ABCF1: variants seen among roughly 807,000 people sequenced by gnomAD.
The protein encoded by ABCF1 is ATP binding cassette subfamily F member 1.
In ABCF1, 73 loss-of-function variants were observed where a neutral mutation model predicts 126.3. The observed-to-expected ratio is 0.58, with a 90% CI of 0.48 to 0.70. The LOEUF (loss-of-function observed/expected upper bound fraction) is 0.70, where lower values mean the gene tolerates loss of function less well. ABCF1 is among the 30% of genes least tolerant of loss of function. ABCF1 has a pLI of 0.00. For synonymous variants in ABCF1, 345 were observed against 396.4 expected, an observed-to-expected ratio of 0.87 and a Z score of 1.54; for missense variants, 786 against 1,057.5, an observed-to-expected ratio of 0.74 and a Z score of 3.56.
intron 20 of ABCF1, among the ~76,000 whole-genome samples, chr6:30,587,416 G>A (rs1488062467): frequency 6.6e-6 from 1 of 152,062 alleles, no homozygotes; most frequent in Non-Finnish European, 1.5e-5. Flanking sequence ...AAGCCGAGGT[G>A]GGAGATCACC....
intron 1 of ABCF1, among the ~76,000 whole-genome samples, chr6:30,571,938 T>C (rs543232884): frequency 6.6e-6 from 1 of 152,126 alleles, no homozygotes; most frequent in Non-Finnish European, 1.5e-5. Context: ...TGCGCGCGCA[T>C]ACACACACCT....
At chr6:30,587,523 A>G (rs1582598957) in intron 20 of ABCF1, among the ~76,000 whole-genome samples, 1 of 151,422 alleles carries the variant, frequency 6.6e-6, no homozygotes, top group African/African-American at 2.4e-5. Context: ...AATCCCAGCT[A>G]TTTTGGGAGG....
chr6:30,579,871 C>T (rs1013021218), intron 6 of ABCF1, 60 bp from the exon 7 acceptor site: 71 of 1,549,798 alleles, frequency 4.6e-5, no homozygotes, highest in Non-Finnish European at 5.7e-5. Flanking sequence ...GCTTATTACA[C>T]AGCAAAGTAG....
At chr6:30,575,797 C>T (rs371163457) in intron 1 of ABCF1, among the ~76,000 whole-genome samples, 1 of 152,138 alleles carries the variant, frequency 6.6e-6, no homozygotes, top group East Asian at 1.9e-4. Context: ...TGGCCAGGCA[C>T]AGTGGCTCAG....
chr6:30,579,455 ATTTTTTT>A (rs9281009), intron 6 of ABCF1, among the ~76,000 whole-genome samples: 1 of 112,144 alleles, frequency 8.9e-6, no homozygotes, highest in Admixed American at 9.9e-5. Flanking sequence ...AGTTGGAACT[ATTTTTTT>A]TTTTTTTTTT....
rs974169211 is a variant in ABCF1, at chr6:30,579,924, C to T, written c.490-7C>T. ...ATGTGTGTAATGTGTATGTGTGTCTCCTCCAGGCCGTATCTGAGGAACAGC... is the reference window on the plus strand; with the variant it reads ...ATGTGTGTAATGTGTATGTGTGTCTTCTCCAGGCCGTATCTGAGGAACAGC... On this transcript the variant is annotated splice_polypyrimidine_tract_variant and splice_region_variant and intron_variant, in intron 6 of 24. Transcript: ENST00000326195. The T allele has an allele frequency of 6.2e-7, 1 of 1,612,572 alleles. No homozygotes were observed. Among genetic ancestry groups the T allele is most frequent in the African/African-American group, 1.3e-5 (1 of 74,878 alleles).
rs746227880 is a variant in ABCF1 at position 30,583,700 on chromosome 6, A to G, written c.1008A>G (p.Gly336=). 8 of 1,613,872 alleles carry G rather than the reference A, an allele frequency of 5.0e-6. No homozygotes were observed. The African/African-American group carries it at 1.1e-4, about 22-fold the overall frequency. ...IVAGRRYGLV[G]PNGKGKTTLL... ...CCGGCCGCCGCTACGGGCTGGTAGG[A>G]CCCAATGGGTGAGAAGAGGAGGGAG... The change falls in exon 11 of 25, where the codon GGA becomes GGG. Residue 336 remains glycine, a synonymous_variant. Transcript: ENST00000326195. This position sits in a 1 kb window ranked among gnomAD's most constrained non-coding sequence, Gnocchi z 4.1.
chr6:30,577,250 T>G (rs1801549929), intron 1 of ABCF1, among the ~76,000 whole-genome samples, 159 bp from the exon 2 acceptor site: 2 of 152,222 alleles, frequency 1.3e-5, no homozygotes, highest in African/African-American at 4.8e-5. Flanking sequence ...GGAATGATTA[T>G]TTCTGCAGGA....
intron 20 of ABCF1, among the ~76,000 whole-genome samples, chr6:30,588,122 C>CG (rs1179826514): frequency 4.6e-5 from 7 of 151,904 alleles, no homozygotes; most frequent in Non-Finnish European, 1.0e-4. Context: ...AGGCTGGTCT[C>CG]GAACTCCTGA....
chr6:30,582,103 C>G (rs1446848602), intron 8 of ABCF1, among the ~76,000 whole-genome samples: 3 of 151,476 alleles, frequency 2.0e-5, no homozygotes, highest in African/African-American at 7.3e-5. Context: ...GTCACCCAGG[C>G]TGGAGTGCAG....
chr6:30,584,184 C>A lies in ABCF1; in HGVS notation c.1103-8C>A. The A allele has an allele frequency of 6.2e-7, 1 of 1,607,800 alleles. No individual in the cohort carries two copies. Among genetic ancestry groups the A allele is most frequent in the Non-Finnish European group, 8.5e-7 (1 of 1,177,382 alleles). On this transcript the variant is annotated splice_region_variant and splice_polypyrimidine_tract_variant and intron_variant, in intron 12 of 24. Transcript: ENST00000326195. This position sits in a 1 kb window ranked among gnomAD's most constrained non-coding sequence, Gnocchi z 4.6. ...AGGCTGCCTGACTGTTCTCCCTCTG[C>A]CTCCCAGAGGTGGTAGCAGATGAGA... is the stretch of plus-strand genomic sequence containing the variant.
rs1264444 is a variant in ABCF1, at chr6:30,579,688, C to T, written c.490-243C>T. Among the ~76,000 whole-genome samples, 1,132 of 152,036 alleles carry T rather than the reference C, an allele frequency of 7.4e-3. 9 individuals carry two copies. The highest frequency in any genetic ancestry group is 9.8e-3 in the African/African-American group (407 of 41,494). On this transcript the variant is annotated intron_variant, in intron 6 of 24. Coordinates refer to ENST00000326195, the MANE Select transcript of ABCF1 (RefSeq NM_001025091.2). ...GACCAGGATGGTCTCGATCTCTTGA[C>T]CTTGTGATCCACCTGCCTTGGCCTC...
At chr6:30,581,751 C>G (rs1801826857) in intron 8 of ABCF1, among the ~76,000 whole-genome samples, 1 of 152,110 alleles carries the variant, frequency 6.6e-6, no homozygotes. Context: ...CACAGAAACT[C>G]ATTTTATACA....
At chr6:30,576,657 AC>A (rs1801519289) in intron 1 of ABCF1, among the ~76,000 whole-genome samples, 3 of 151,694 alleles carry the variant, frequency 2.0e-5, no homozygotes, top group African/African-American at 7.3e-5. Flanking sequence ...TGTCACCACC[AC>A]CCAGACTACT....
chr6:30,573,418 G>GA (rs1335060567), intron 1 of ABCF1, among the ~76,000 whole-genome samples: 3 of 152,228 alleles, frequency 2.0e-5, no homozygotes, highest in African/African-American at 7.2e-5. Context: ...TTTAGTCACT[G>GA]TGGAGAGACA....
intron 16 of ABCF1, 23 bp downstream of exon 16, chr6:30,585,705 G>A: frequency 1.9e-6 from 3 of 1,611,928 alleles, no homozygotes; most frequent in Non-Finnish European, 2.5e-6. Context: ...GTGTGTGGAT[G>A]CAGGGAAGAG....
intron 1 of ABCF1, 68 bp downstream of exon 1, chr6:30,571,628 A>G: frequency 1.3e-6 from 2 of 1,530,476 alleles, no homozygotes; most frequent in Non-Finnish European, 1.8e-6. Flanking sequence ...GTGTTTTAAG[A>G]GAGGGTCATG....
At position 30,586,428 on chromosome 6, in the gene ABCF1, G is replaced by T; in HGVS notation, c.1886-46G>T. 2 of 1,611,676 alleles carry T rather than the reference G, an allele frequency of 1.2e-6. No homozygotes were observed. The highest frequency in any genetic ancestry group is 1.1e-5 in the South Asian group (1 of 91,006). ...AAGGCCAGCACATGAGAGGGACTTT[G>T]CAGGGACTGAAAAGAATATAAATTG... is the stretch of plus-strand genomic sequence containing the variant. On this transcript the variant is annotated intron_variant, in intron 18 of 24. Coordinates refer to ENST00000326195, the MANE Select transcript of ABCF1 (RefSeq NM_001025091.2). The surrounding 1 kb of genome is among the most constrained non-coding windows in gnomAD (Gnocchi z 4.9).
chr6:30,577,520 T>C lies in ABCF1; in HGVS notation c.120+65T>C, dbSNP rs140635626. 4.0e-4 allele frequency: 633 copies of C among 1,576,076 alleles called. 4 individuals are homozygous for C. In the African/African-American group the frequency reaches 6.0e-3, roughly 15 times the overall value. Reference sequence around the variant, plus strand: ...TGTTTCCAAGCTAAATAAATAGCCATGTGAAGGAGGTGGGAGGTCCAAGGG... The same window carrying C: ...TGTTTCCAAGCTAAATAAATAGCCACGTGAAGGAGGTGGGAGGTCCAAGGG... On this transcript the variant is annotated intron_variant, in intron 2 of 24. Coordinates refer to ENST00000326195, the MANE Select transcript of ABCF1 (RefSeq NM_001025091.2).
Sources: gnomAD v4.1 joint callset for allele counts (sites outside exome capture counted in the v4.1 genomes callset) on GRCh38, gnomAD v4.1.1 for gene constraint, Gnocchi (gnomAD v3.1) non-coding constraint, MANE v1.5 for transcripts, NCBI Gene and HGNC (gene_info 2026-07-23, HGNC 2026-07-21) for gene names.